CHN1: variants seen among roughly 807,000 people sequenced by gnomAD.
CHN1 encodes the protein N-chimaerin.
Under a neutral mutation model 59.5 loss-of-function variants are expected in CHN1, and 37 were observed. The ratio of observed to expected loss-of-function variants is 0.62; its 90% confidence interval spans 0.48 to 0.82. The LOEUF (loss-of-function observed/expected upper bound fraction) is 0.82, where lower values mean the gene tolerates loss of function less well. CHN1 is among the 40% of genes least tolerant of loss of function. The probability of loss-of-function intolerance (pLI) is 0.00; values close to 1 mark genes in which losing one functional copy is unlikely to be tolerated. For missense variants in CHN1, 469 were observed against 571.0 expected, an observed-to-expected ratio of 0.82 and a Z score of 1.82; for synonymous variants, 206 against 200.4, an observed-to-expected ratio of 1.03 and a Z score of -0.24.
chr2:174,946,898 T>C (rs948279967), intron 2 of CHN1, among the ~76,000 whole-genome samples: 4 of 18,834 alleles, frequency 2.1e-4, no homozygotes, highest in Non-Finnish European at 3.4e-4. Flanking sequence ...CTCTAAAAAA[T>C]GTAAAAAAAA....
chr2:174,913,746 T>A (rs1247131353), intron 5 of CHN1, among the ~76,000 whole-genome samples: 1 of 152,192 alleles, frequency 6.6e-6, no homozygotes, highest in Non-Finnish European at 1.5e-5. Context: ...ATATCAAATC[T>A]TGTGGACAGG....
At chr2:174,944,644 G>A (rs1308233563) in intron 3 of CHN1, among the ~76,000 whole-genome samples, 1 of 152,060 alleles carries the variant, frequency 6.6e-6, no homozygotes, top group Non-Finnish European at 1.5e-5. Context: ...TAACTGAAAA[G>A]AATACGAACA....
chr2:174,834,315 A>T lies in CHN1; in HGVS notation c.628-9797T>A, dbSNP rs555967328. On this transcript the variant is annotated intron_variant, in intron 7 of 12. Transcript: ENST00000409900. The stretch of plus-strand genomic sequence containing the variant: ...ATCTTTTAAAGATACTAAGTCAGGA[A>T]AAATATCTTTTAAAGTTACCCATGC... Among the ~76,000 whole-genome samples the T allele has an allele frequency of 3.8e-4, 58 of 152,334 alleles. No individual in the cohort carries two copies. The South Asian group carries it at 0.011, about 30-fold the overall frequency.
chr2:174,988,422 T>C (rs554806682), intron 1 of CHN1, among the ~76,000 whole-genome samples: 3 of 152,016 alleles, frequency 2.0e-5, no homozygotes, highest in South Asian at 2.1e-4. Context: ...CAAGTCTAAG[T>C]TGGCGTAAGA....
chr2:174,929,627 C>T (rs946105218), intron 3 of CHN1, among the ~76,000 whole-genome samples: 2 of 151,852 alleles, frequency 1.3e-5, no homozygotes, highest in African/African-American at 4.8e-5. Context: ...AAAAACTCAG[C>T]TTCTTAAGAT....
At chr2:174,810,857 T>C (rs967638151) in intron 10 of CHN1, 1 of 152,234 alleles carries the variant, frequency 6.6e-6, no homozygotes, top group African/African-American at 2.4e-5. Context: ...ACTTCCTGTA[T>C]TCAAGGCTAC....
intron 7 of CHN1, among the ~76,000 whole-genome samples, chr2:174,833,841 G>C (rs1046915863): frequency 6.7e-6 from 1 of 148,716 alleles, no homozygotes; most frequent in Non-Finnish European, 1.5e-5. Flanking sequence ...ACCCAGGTTG[G>C]AGTGCAGTGG....
At chr2:174,814,026 A>C (rs1315225658) in intron 8 of CHN1, among the ~76,000 whole-genome samples, 1 of 152,220 alleles carries the variant, frequency 6.6e-6, no homozygotes, top group African/African-American at 2.4e-5. Context: ...AAAATTAGCC[A>C]AAACTTACAA....
chr2:174,920,725 T>C (rs952340175), intron 3 of CHN1, among the ~76,000 whole-genome samples: 1 of 152,228 alleles, frequency 6.6e-6, no homozygotes, highest in Non-Finnish European at 1.5e-5. Flanking sequence ...CCAACATTTT[T>C]GGCACCAGGG....
intron 1 of CHN1, among the ~76,000 whole-genome samples, chr2:174,985,643 T>C (rs897752799): frequency 1.3e-5 from 2 of 152,206 alleles, no homozygotes; most frequent in Admixed American, 6.5e-5. Flanking sequence ...GGCAGCCCTT[T>C]GTATTCTACA....
intron 1 of CHN1, among the ~76,000 whole-genome samples, chr2:174,974,880 G>A (rs1209623183): frequency 7.4e-6 from 1 of 134,546 alleles, no homozygotes; most frequent in Non-Finnish European, 1.6e-5. Context: ...CTGCAAACAG[G>A]CCATAAGAAA....
chr2:174,894,825 C>T (rs541015425), intron 5 of CHN1, among the ~76,000 whole-genome samples: 115 of 152,140 alleles, frequency 7.6e-4, no homozygotes, highest in African/African-American at 2.8e-3. Flanking sequence ...CAACCACGGT[C>T]TGAAAATATT....
At chr2:174,912,597 AC>A (rs1269896576) in intron 5 of CHN1, among the ~76,000 whole-genome samples, 1 of 152,204 alleles carries the variant, frequency 6.6e-6, no homozygotes, top group Non-Finnish European at 1.5e-5. Flanking sequence ...CAAACTGGCT[AC>A]CCCTTAATGG....
chr2:174,954,633 G>C (rs898563217), intron 1 of CHN1, among the ~76,000 whole-genome samples: 1 of 152,046 alleles, frequency 6.6e-6, no homozygotes, highest in Non-Finnish European at 1.5e-5. Flanking sequence ...AGTGGGCTAA[G>C]GACATGAATA....
intron 7 of CHN1, among the ~76,000 whole-genome samples, chr2:174,843,430 G>GGT (rs1686385884): frequency 6.6e-6 from 1 of 151,930 alleles, no homozygotes. Context: ...GTAGAGACAG[G>GGT]GTTTCCCCAT....
chr2:174,983,601 G>A (rs1330697677), intron 1 of CHN1, among the ~76,000 whole-genome samples: 4 of 151,982 alleles, frequency 2.6e-5, no homozygotes, highest in African/African-American at 4.8e-5. Context: ...AGGCCGAGGC[G>A]GGTGGATCAT....
At chr2:174,984,591 T>C (rs2105454006) in intron 1 of CHN1, among the ~76,000 whole-genome samples, 1 of 152,202 alleles carries the variant, frequency 6.6e-6, no homozygotes, top group African/African-American at 2.4e-5. Context: ...ATGGTCTCGA[T>C]CCCTTGACCT....
intron 3 of CHN1, among the ~76,000 whole-genome samples, chr2:174,918,913 C>T (rs116469368): frequency 1.7e-3 from 260 of 152,224 alleles, no homozygotes; most frequent in Admixed American, 3.6e-3. Context: ...GCAGCTTTCT[C>T]CCCCATCCTC....
chr2:174,904,253 T>C (rs1043861280), intron 5 of CHN1, among the ~76,000 whole-genome samples: 1 of 150,588 alleles, frequency 6.6e-6, no homozygotes, highest in Non-Finnish European at 1.5e-5. Context: ...AGAGCAAAAC[T>C]CCGTCTCAAA....
Sources: allele counts gnomAD v4.1 joint callset (sites outside exome capture counted in the v4.1 genomes callset), GRCh38; gene constraint gnomAD v4.1.1; transcripts MANE v1.5; gene names NCBI Gene and HGNC (gene_info 2026-07-23, HGNC 2026-07-21).